EDRF1: variants seen among roughly 807,000 people sequenced by gnomAD.
EDRF1 encodes the protein erythroid differentiation regulatory factor 1.
Under a neutral mutation model 148.7 loss-of-function variants are expected in EDRF1, and 69 were observed. The ratio of observed to expected loss-of-function variants is 0.46; its 90% CI spans 0.38 to 0.57. The LOEUF (loss-of-function observed/expected upper bound fraction) is 0.57. EDRF1 is among the 20% of genes least tolerant of loss of function. The pLI is 0.00. For missense variants in EDRF1, 1,118 were observed against 1,478.7 expected, an observed-to-expected ratio of 0.76 and a Z score of 4.00; for synonymous variants, 515 against 532.8, an observed-to-expected ratio of 0.97 and a Z score of 0.46.
chr10:125,747,752 A>G lies in EDRF1; in HGVS notation c.2973+58A>G, dbSNP rs1050433917. On this transcript the variant is annotated intron_variant, in intron 20 of 24. Coordinates refer to ENST00000356792, the MANE Select transcript of EDRF1 (RefSeq NM_001202438.2). ...CTCAATCTAATTCCCTTGTTTAACA[A>G]ATATTTAGCGTCTGTTGTCTTTTCC... 9.9e-6 allele frequency: 16 copies of G among 1,611,334 alleles called. No individual in the cohort carries two copies. The African/African-American group carries it at 1.6e-4, about 16-fold the overall frequency.
chr10:125,723,223 G>T, intron 3 of EDRF1, 89 bp downstream of exon 3: 1 of 1,166,520 alleles, frequency 8.6e-7, no homozygotes, highest in Non-Finnish European at 1.3e-6. Context: ...ATATAAATGT[G>T]CAAGTCTTGA....
chr10:125,723,254 A>G (rs1848090315), intron 3 of EDRF1, 120 bp downstream of exon 3: 1 of 896,006 alleles, frequency 1.1e-6, no homozygotes, highest in African/African-American at 1.6e-5. Flanking sequence ...ATGAAATAAG[A>G]TAAAACTTAC....
rs1374737127 is a variant in EDRF1, at chr10:125,749,350, A to G, written c.3124-62A>G. 2.2e-5 allele frequency: 35 copies of G among 1,589,310 alleles called. 1 individual carries two copies. The East Asian group carries it at 7.8e-4, about 36-fold the overall frequency. ...AGTGGGGGAAAAATAACTAAGAAGC[A>G]CTTAGTGAAGCCTGAAGTAGTTACC... is the stretch of plus-strand genomic sequence containing the variant. On this transcript the variant is annotated intron_variant, in intron 21 of 24. Transcript: ENST00000356792.
At chr10:125,749,301 C>G (rs533115990) in intron 21 of EDRF1, 111 bp from the exon 22 acceptor site, 5 of 1,200,546 alleles carry the variant, frequency 4.2e-6, no homozygotes, top group Non-Finnish European at 6.1e-6. Context: ...AAAGCTAAAA[C>G]TAATAAGACC....
rs1324151224 is a variant in EDRF1, at chr10:125,741,045, T to C, written c.2215T>C (p.Leu739=). ...LCTNMLSEVL[L]FLSQYLTLCG... is the part of the protein sequence containing the mutation. ...CACCAATATGCTTTCCGAAGTGCTGTTGTTTCTCTCTCAATATTTGACACT... is the reference window on the plus strand; with the variant it reads ...CACCAATATGCTTTCCGAAGTGCTGCTGTTTCTCTCTCAATATTTGACACT... The change falls in exon 17 of 25, where the codon TTG becomes CTG. Residue 739 remains leucine, a synonymous_variant. Transcript: ENST00000356792. 1.2e-6 allele frequency: 2 copies of C among 1,614,070 alleles called. No individual in the cohort carries two copies. The highest frequency in any genetic ancestry group is 1.7e-6 in the Non-Finnish European group (2 of 1,180,054).
intron 24 of EDRF1, among the ~76,000 whole-genome samples, chr10:125,759,136 G>C (rs1231807554): frequency 6.6e-6 from 1 of 152,096 alleles, no homozygotes; most frequent in East Asian, 1.9e-4. Context: ...TCTTTTATGT[G>C]GGCATTTGGT....
intron 24 of EDRF1, 95 bp downstream of exon 24, chr10:125,753,940 G>A (rs931215657): frequency 2.9e-6 from 4 of 1,376,940 alleles, no homozygotes; most frequent in Non-Finnish European, 4.1e-6. Flanking sequence ...TAGGGGCCAG[G>A]CACATTGGCT....
At position 125,745,947 on chromosome 10, in the gene EDRF1, C is replaced by T; in HGVS notation, c.2814+17C>T. The stretch of plus-strand genomic sequence containing the variant: ...TATAATAAGGTAACACATTCGCGTA[C>T]ATGTTGGGCCTCACCCATTCACACC... On this transcript the variant is annotated intron_variant, in intron 19 of 24. Transcript: ENST00000356792. 6.2e-7 allele frequency: 1 copy of T among 1,610,150 alleles called. No individual in the cohort carries two copies. The highest frequency in any genetic ancestry group is 1.7e-5 in the Admixed American group (1 of 60,018).
intron 11 of EDRF1, 88 bp from the exon 12 acceptor site, chr10:125,733,984 G>C: frequency 8.9e-7 from 1 of 1,125,640 alleles, no homozygotes; most frequent in Admixed American, 1.8e-5. Flanking sequence ...ATAGCTCTTT[G>C]TTGGAAAGAA....
intron 6 of EDRF1, among the ~76,000 whole-genome samples, chr10:125,727,482 G>A (rs6597724): frequency 0.99 from 150,881 of 152,346 alleles, 74,724 homozygotes; most frequent in African/African-American, 1. Flanking sequence ...TATTGAGAAC[G>A]TTGTAACCTA....
chr10:125,735,779 A>G lies in EDRF1; in HGVS notation c.1633A>G (p.Ser545Gly). 6.2e-7 allele frequency: 1 copy of G among 1,613,908 alleles called. No homozygotes were observed. The highest frequency in any genetic ancestry group is 8.5e-7 in the Non-Finnish European group (1 of 1,179,814). Reference sequence around the variant, plus strand: ...TGAAGAGGAGGAAGAGATGCCCGACAGTGATGAAAATGGATCCTATAGCAC... The same window carrying G: ...TGAAGAGGAGGAAGAGATGCCCGACGGTGATGAAAATGGATCCTATAGCAC... ...YSEEEEEMPDSDENGSYSTSS... is the reference protein window; with the variant it reads ...YSEEEEEMPDGDENGSYSTSS... Residue 545 changes from serine to glycine, a missense_variant, in exon 13 of 25, where the codon AGT becomes GGT. Physicochemically the swap from Ser to Gly is moderately conservative, Grantham distance 56. Coordinates refer to ENST00000356792, the MANE Select transcript of EDRF1 (RefSeq NM_001202438.2).
chr10:125,729,480 G>A lies in EDRF1; in HGVS notation c.1016+1G>A. ...ACCCAGCAGTCAGCTTACGTCTCAG[G>A]TGAACTAACATCATACCCCTCCTCA... On this transcript the variant is annotated splice_donor_variant, in intron 8 of 24. Coordinates refer to ENST00000356792, the MANE Select transcript of EDRF1 (RefSeq NM_001202438.2). LOFTEE classifies it high-confidence loss of function. 1.2e-6 allele frequency: 2 copies of A among 1,614,144 alleles called. No individual in the cohort carries two copies. The highest frequency in any genetic ancestry group is 1.7e-6 in the Non-Finnish European group (2 of 1,180,022).
At position 125,747,538 on chromosome 10, in the gene EDRF1, T is replaced by C; in HGVS notation, c.2817T>C (p.Ala939=). The change falls in exon 20 of 25, where the codon GCT becomes GCC. Residue 939 remains alanine, a splice_region_variant and synonymous_variant. Coordinates refer to ENST00000356792, the MANE Select transcript of EDRF1 (RefSeq NM_001202438.2). ...SPEEGLYYNK[A]IDYYLKALRS... ...GTACACTGTTTTCTCCTTTGCAGGC[T>C]ATTGATTACTATTTGAAAGCGCTAA... 1 of 1,614,192 alleles carries C rather than the reference T, an allele frequency of 6.2e-7. No individual in the cohort carries two copies. The highest frequency in any genetic ancestry group is 8.5e-7 in the Non-Finnish European group (1 of 1,180,026).
rs770128437 is a variant in EDRF1 at position 125,734,119 on chromosome 10, A to G, written c.1433A>G (p.Tyr478Cys). The part of the protein sequence containing the change: ...MMKKNQNKKH[Y>C]GTIRTLLLNC... ...AAGAAGAATCAAAATAAGAAACACT[A>G]TGGAACTATTAGAACATTGCTTCTT... The change falls in exon 12 of 25, where the codon TAT (tyrosine) becomes TGT (cysteine). Residue 478 changes from tyrosine to cysteine, a missense_variant. Coordinates refer to ENST00000356792, the MANE Select transcript of EDRF1 (RefSeq NM_001202438.2). 1.9e-6 allele frequency: 3 copies of G among 1,613,372 alleles called. No homozygotes were observed. Among genetic ancestry groups the G allele is most frequent in the South Asian group, 1.1e-5 (1 of 91,070 alleles).
At chr10:125,750,385 T>C (rs1019683678) in intron 22 of EDRF1, 2 of 152,252 alleles carry the variant, frequency 1.3e-5, no homozygotes, top group Non-Finnish European at 2.9e-5. Flanking sequence ...AGTAAGCAGA[T>C]ACTTCAACCA....
chr10:125,751,903 A>G (rs141305587), intron 22 of EDRF1: 186 of 152,396 alleles, frequency 1.2e-3, no homozygotes, highest in African/African-American at 4.3e-3. Flanking sequence ...AGTTACAGAT[A>G]GTGCTAACTC....
chr10:125,748,420 C>A (rs1849476458), intron 21 of EDRF1: 1 of 293,122 alleles, frequency 3.4e-6, no homozygotes, highest in African/African-American at 2.2e-5. Context: ...TAGAAATAAT[C>A]TAGTGCCAGC....
chr10:125,732,543 TCTC>T (rs1395006359), intron 9 of EDRF1, among the ~76,000 whole-genome samples: 2 of 151,940 alleles, frequency 1.3e-5, no homozygotes, highest in African/African-American at 4.8e-5. Flanking sequence ...CATTGGAGCC[TCTC>T]CTCATAGGGG....
chr10:125,748,285 A>T, intron 21 of EDRF1: 4 of 502,016 alleles, frequency 8.0e-6, no homozygotes, highest in South Asian at 4.0e-5. Context: ...TTTGAGATAC[A>T]TCTGTGTTGG....
Sources: allele counts gnomAD v4.1 joint callset (sites outside exome capture counted in the v4.1 genomes callset), GRCh38; gene constraint gnomAD v4.1.1; transcripts MANE v1.5; gene names NCBI Gene and HGNC (gene_info 2026-07-23, HGNC 2026-07-21).